Variants in SIGLEC9 observed in about 807,000 individuals in gnomAD.
The protein encoded by SIGLEC9 is sialic acid-binding Ig-like lectin 9.
Under a neutral mutation model 38.3 loss-of-function variants are expected in SIGLEC9, and 26 were observed. The observed-to-expected ratio is 0.68, with a 90% CI of 0.50 to 0.94. The LOEUF is 0.94. Ranked by LOEUF, SIGLEC9 falls within the 40% of genes least tolerant of loss-of-function variation. SIGLEC9 has a pLI of 0.00. For missense variants in SIGLEC9, 556 were observed against 585.7 expected (o/e 0.95, Z 0.52); for synonymous variants, 236 against 248.0 (o/e 0.95, Z 0.45).
In SIGLEC9 at chr19:51,130,014, C is replaced by T. The variant is rs1351886502; in HGVS notation, c.1327C>T (p.Pro443Ser). 6.2e-7 allele frequency: 1 copy of T among 1,614,008 alleles called. No individual in the cohort carries two copies. The highest frequency in any genetic ancestry group is 1.1e-5 in the South Asian group (1 of 91,072). ...ATCCCTCAGCTTCCAGATGGTGAAG[C>T]CTTGGGACTCGCGGGGACAGGAGGC... ...YASLSFQMVKPWDSRGQEATD... is the reference protein window; with the variant it reads ...YASLSFQMVKSWDSRGQEATD... The change falls in exon 7 of 7, where the codon CCT (proline) becomes TCT (serine). Residue 443 changes from proline (P) to serine (S), a missense_variant. Physicochemically the swap from Pro to Ser is moderately conservative, Grantham distance 74. Coordinates refer to ENST00000250360, the MANE Select transcript of SIGLEC9 (RefSeq NM_014441.3).
chr19:51,125,671 G>C lies in SIGLEC9; in HGVS notation c.496G>C (p.Val166Leu), dbSNP rs1399323029. 3 of 1,613,738 alleles carry C rather than the reference G, an allele frequency of 1.9e-6. No individual in the cohort carries two copies. The highest frequency in any genetic ancestry group is 2.2e-5 in the South Asian group (2 of 91,082). Residue 166 changes from valine to leucine, a missense_variant, in exon 2 of 7, where the codon GTG (valine) becomes CTG (leucine). Transcript: ENST00000250360. ...SGCPQNLTCSVPWACEQGTPP... is the reference protein window; with the variant it reads ...SGCPQNLTCSLPWACEQGTPP... ...CTGCCCCCAGAATCTGACCTGCTCT[G>C]TGCCCTGGGCCTGTGAGCAGGGGAC...
rs1439903727 is a variant in SIGLEC9, at chr19:51,125,643, C to T, written c.468C>T (p.Ser156=). The T allele has an allele frequency of 9.3e-6, 15 of 1,613,102 alleles. No individual in the cohort carries two copies. The highest frequency in any genetic ancestry group is 3.3e-5 in the South Asian group (3 of 91,092). Residue 156 remains serine, a synonymous_variant, in exon 2 of 7, where the codon TCC becomes TCT. Transcript: ENST00000250360. ...TCCTCATCCCAGGCACCCTGGAGTCCGGCTGCCCCCAGAATCTGACCTGCT... is the reference window on the plus strand; with the variant it reads ...TCCTCATCCCAGGCACCCTGGAGTCTGGCTGCCCCCAGAATCTGACCTGCT... ...PNILIPGTLE[S]GCPQNLTCSV...
rs1396738331 is a variant in SIGLEC9, at chr19:51,125,333, G to A, written c.359G>A (p.Arg120His). Residue 120 changes from arginine to histidine, a missense_variant, in exon 1 of 7, where the codon CGT (arginine) becomes CAT (histidine). Arg to His is a conservative substitution (Grantham distance 29). Transcript: ENST00000250360. Reference protein sequence around the residue: ...RRSDAGRYFFRMEKGSIKWNY... With the variant: ...RRSDAGRYFFHMEKGSIKWNY... ...AGTGATGCGGGGAGATACTTCTTTC[G>A]TATGGAGAAAGGAAGTATAAAATGG... 9 of 1,611,336 alleles carry A rather than the reference G, an allele frequency of 5.6e-6. No individual in the cohort carries two copies. Among genetic ancestry groups the A allele is most frequent in the East Asian group, 2.2e-5 (1 of 44,884 alleles).
downstream of SIGLEC9, chr19:51,130,312 C>T: frequency 2.8e-6 from 2 of 704,068 alleles, no homozygotes; most frequent in Non-Finnish European, 4.0e-6. Context: ...AAATTCCTAC[C>T]TCTCTGTACC....
rs1165731089 is a variant in SIGLEC9, at chr19:51,125,402, C to T, written c.421+7C>T. The stretch of plus-strand genomic sequence containing the variant: ...CTCTCTGTGAATGTGACAGGTAAGG[C>T]ACAGGCTCCAGGAAAGGCCACAGGG... On this transcript the variant is annotated splice_region_variant and intron_variant, in intron 1 of 6. Transcript: ENST00000250360. 2.5e-6 allele frequency: 4 copies of T among 1,573,174 alleles called. No individual in the cohort carries two copies. In the South Asian group the frequency reaches 4.8e-5, roughly 19 times the overall value.
chr19:51,121,587 T>C (rs2091950333), upstream of SIGLEC9, among the ~76,000 whole-genome samples: 1 of 148,646 alleles, frequency 6.7e-6, no homozygotes, highest in African/African-American at 2.5e-5. Context: ...GCTGTCTTTT[T>C]TTTTTTTTTT....
upstream of SIGLEC9, chr19:51,122,722 C>G (rs1276861618): frequency 6.6e-6 from 1 of 152,292 alleles, no homozygotes; most frequent in Non-Finnish European, 1.5e-5. This position sits in a 1 kb window ranked among gnomAD's most constrained non-coding sequence, Gnocchi z 4.1. Context: ...AGACCCTGAA[C>G]AATGGTACAC....
chr19:51,132,772 A>C (rs1015970952), downstream of SIGLEC9, among the ~76,000 whole-genome samples: 1 of 152,014 alleles, frequency 6.6e-6, no homozygotes, highest in Admixed American at 6.6e-5. Context: ...TAGCAACACA[A>C]ATGAACTAAG....
At chr19:51,122,396 C>T (rs2091951849), upstream of SIGLEC9, among the ~76,000 whole-genome samples, 1 of 152,082 alleles carries the variant, frequency 6.6e-6, no homozygotes, top group Admixed American at 6.5e-5. This position sits in a 1 kb window ranked among gnomAD's most constrained non-coding sequence, Gnocchi z 4.1. Flanking sequence ...GCCTGACCAA[C>T]ATGGTGAAAT....
intron 5 of SIGLEC9, 28 bp from the exon 6 acceptor site, chr19:51,128,386 T>G (rs2091992526): frequency 1.2e-6 from 2 of 1,610,906 alleles, no homozygotes; most frequent in Non-Finnish European, 1.7e-6. Context: ...CTGACCACAC[T>G]GAAAGGCTCT....
upstream of SIGLEC9, among the ~76,000 whole-genome samples, chr19:51,121,503 C>T (rs149209398): frequency 2.7e-3 from 409 of 152,186 alleles, 4 homozygotes; most frequent in East Asian, 0.035. Flanking sequence ...TGTAACTTCC[C>T]TTCCTGAACA....
At chr19:51,131,283 A>C (rs2092013485), downstream of SIGLEC9, among the ~76,000 whole-genome samples, 1 of 152,176 alleles carries the variant, frequency 6.6e-6, no homozygotes, top group Non-Finnish European at 1.5e-5. Context: ...TAAAGTACCA[A>C]GGAACAATTT....
rs1337216310 is a variant in SIGLEC9 at position 51,127,158 on chromosome 19, A to T, written c.877A>T (p.Thr293Ser). 1 of 1,614,066 alleles carries T rather than the reference A, an allele frequency of 6.2e-7. No individual in the cohort carries two copies. Among genetic ancestry groups the T allele is most frequent in the African/African-American group, 1.3e-5 (1 of 74,922 alleles). ...ARLSLSWRGLTLCPSQPSNPG... is the reference protein window; with the variant it reads ...ARLSLSWRGLSLCPSQPSNPG... ...GCTGAGCCTGAGCTGGAGAGGCCTGACCCTGTGCCCCTCACAGCCCTCAAA... is the reference window on the plus strand; with the variant it reads ...GCTGAGCCTGAGCTGGAGAGGCCTGTCCCTGTGCCCCTCACAGCCCTCAAA... The change falls in exon 4 of 7, where the codon ACC becomes TCC. Residue 293 changes from threonine (T) to serine (S), a missense_variant. Transcript: ENST00000250360.
chr19:51,133,740 A>G (rs972934673), downstream of SIGLEC9, among the ~76,000 whole-genome samples: 10 of 152,168 alleles, frequency 6.6e-5, no homozygotes, highest in Non-Finnish European at 1.5e-4. Context: ...ATGTTTGTAC[A>G]ACTGTGCTGT....
Position 51,125,698 on chromosome 19 carries a change from C to A in SIGLEC9, c.523C>A (p.Pro175Thr). 3 of 1,613,982 alleles carry A rather than the reference C, an allele frequency of 1.9e-6. No individual in the cohort carries two copies. The highest frequency in any genetic ancestry group is 1.6e-4 in the Middle Eastern group (1 of 6,062). The change falls in exon 2 of 7, where the codon CCC becomes ACC. Residue 175 changes from proline (P) to threonine (T), a missense_variant. By Grantham distance (38) the Pro-to-Thr change is conservative (BLOSUM62 -1). Coordinates refer to ENST00000250360, the MANE Select transcript of SIGLEC9 (RefSeq NM_014441.3). ...SVPWACEQGT[P>T]PMISWIGTSV... ...GCCCTGGGCCTGTGAGCAGGGGACACCCCCTATGATCTCCTGGATAGGGAC... is the reference window on the plus strand; with the variant it reads ...GCCCTGGGCCTGTGAGCAGGGGACAACCCCTATGATCTCCTGGATAGGGAC...
chr19:51,132,981 G>A (rs1395209956), downstream of SIGLEC9, among the ~76,000 whole-genome samples: 2 of 151,634 alleles, frequency 1.3e-5, no homozygotes, highest in East Asian at 3.9e-4. Context: ...ATGTGTATAT[G>A]TATGTACATA....
chr19:51,121,402 G>A (rs192300082), upstream of SIGLEC9, among the ~76,000 whole-genome samples: 8 of 151,856 alleles, frequency 5.3e-5, no homozygotes, highest in East Asian at 5.9e-4. Flanking sequence ...TATGCATGGC[G>A]TCTCTCTTCC....
intron 3 of SIGLEC9, among the ~76,000 whole-genome samples, chr19:51,126,521 C>T (rs1041918727): frequency 6.6e-5 from 10 of 152,312 alleles, no homozygotes; most frequent in East Asian, 3.9e-4. Context: ...GGCTCTCCTC[C>T]GATGCCTGCC....
Position 51,125,648 on chromosome 19 carries a change from G to A in SIGLEC9, c.473G>A (p.Cys158Tyr), listed in dbSNP as rs1225519843. Residue 158 changes from cysteine (C) to tyrosine (Y), a missense_variant, in exon 2 of 7, where the codon TGC becomes TAC. Cys to Tyr is a radical substitution (Grantham distance 194). Transcript: ENST00000250360. ...ILIPGTLESGCPQNLTCSVPW... is the reference protein window; with the variant it reads ...ILIPGTLESGYPQNLTCSVPW... ...ATCCCAGGCACCCTGGAGTCCGGCTGCCCCCAGAATCTGACCTGCTCTGTG... is the reference window on the plus strand; with the variant it reads ...ATCCCAGGCACCCTGGAGTCCGGCTACCCCCAGAATCTGACCTGCTCTGTG... 1 of 1,613,390 alleles carries A rather than the reference G, an allele frequency of 6.2e-7. No individual in the cohort carries two copies. The highest frequency in any genetic ancestry group is 1.1e-5 in the South Asian group (1 of 91,084).
Sources: allele counts gnomAD v4.1 joint callset (sites outside exome capture counted in the v4.1 genomes callset), GRCh38; gene constraint gnomAD v4.1.1; non-coding constraint Gnocchi (gnomAD v3.1); transcripts MANE v1.5; gene names NCBI Gene and HGNC (gene_info 2026-07-23, HGNC 2026-07-21).